The following NRG3 variants were observed in gnomAD, a reference collection of about 807,000 sequenced individuals.
NRG3 encodes the protein pro-neuregulin-3, membrane-bound isoform.
In NRG3, 31 loss-of-function variants were observed where a neutral mutation model predicts 66.9. That is an observed-to-expected ratio of 0.46 (90% CI 0.35 to 0.63). The LOEUF (loss-of-function observed/expected upper bound fraction) is 0.63. NRG3 is among the 20% of genes least tolerant of loss of function. NRG3 has a pLI of 0.00. For synonymous variants in NRG3, 393 were observed against 359.4 expected (o/e 1.09, Z -1.06); for missense variants, 910 against 878.9 (o/e 1.04, Z -0.45).
intron 2 of NRG3, among the ~76,000 whole-genome samples, chr10:82,470,111 C>G (rs879685276): frequency 6.6e-6 from 1 of 152,156 alleles, no homozygotes; most frequent in African/African-American, 2.4e-5. Context: ...TTCTGAGATG[C>G]AGAGCTCAAA....
At chr10:82,853,044 A>C (rs543924522) in intron 3 of NRG3, among the ~76,000 whole-genome samples, 1 of 152,316 alleles carries the variant, frequency 6.6e-6, no homozygotes, top group African/African-American at 2.4e-5. Flanking sequence ...GTGTTAGAAT[A>C]GGGTAAGGCA....
intron 2 of NRG3, among the ~76,000 whole-genome samples, chr10:82,608,811 G>A (rs999825636): frequency 6.6e-6 from 1 of 151,966 alleles, no homozygotes; most frequent in African/African-American, 2.4e-5. Flanking sequence ...TATTTCAAAT[G>A]GCTACTTCCC....
At chr10:82,828,181 C>T (rs1458146831) in intron 3 of NRG3, among the ~76,000 whole-genome samples, 1 of 151,962 alleles carries the variant, frequency 6.6e-6, no homozygotes, top group Non-Finnish European at 1.5e-5. Flanking sequence ...TTGTCCAGAG[C>T]AAGGATGGCG....
chr10:82,985,282 C>T lies in NRG3; in HGVS notation c.1768C>T (p.Pro590Ser), dbSNP rs779649558. Residue 590 changes from proline (P) to serine (S), a missense_variant, in exon 9 of 9, where the codon CCA becomes TCA. Coordinates refer to ENST00000372141, the MANE Select transcript of NRG3 (RefSeq NM_001010848.4). Reference protein sequence around the residue: ...VGLEETCLQMPGISEVKSIKW... With the variant: ...VGLEETCLQMSGISEVKSIKW... The stretch of plus-strand genomic sequence containing the variant: ...TTTAGAGGAAACCTGCCTGCAAATG[C>T]CAGGGATTTCTGAAGTCAAAAGCAT... 4 of 1,614,134 alleles carry T rather than the reference C, an allele frequency of 2.5e-6. No individual in the cohort carries two copies. The highest frequency in any genetic ancestry group is 1.6e-4 in the Middle Eastern group (1 of 6,062).
intron 2 of NRG3, among the ~76,000 whole-genome samples, chr10:82,380,583 G>T (rs1392435786): frequency 6.6e-6 from 1 of 152,156 alleles, no homozygotes. Flanking sequence ...TAAGATGGCA[G>T]ATTTCAATTA....
At chr10:81,998,333 A>G (rs536384473) in intron 1 of NRG3, among the ~76,000 whole-genome samples, 1 of 152,314 alleles carries the variant, frequency 6.6e-6, no homozygotes, top group East Asian at 1.9e-4. Flanking sequence ...ATGTTTCTCT[A>G]TATGACTCTA....
intron 1 of NRG3, among the ~76,000 whole-genome samples, chr10:82,220,013 C>A (rs2075861467): frequency 6.6e-6 from 1 of 151,644 alleles, no homozygotes; most frequent in African/African-American, 2.4e-5. Context: ...CAGATCACTG[C>A]AAGAAAATCA....
chr10:82,928,940 C>T (rs934794997), intron 4 of NRG3, among the ~76,000 whole-genome samples: 3 of 152,046 alleles, frequency 2.0e-5, no homozygotes, highest in African/African-American at 7.2e-5. Flanking sequence ...TGGATTTCAC[C>T]GAATTGCATG....
chr10:82,368,545 A>G (rs1313445545), intron 2 of NRG3, among the ~76,000 whole-genome samples: 1 of 137,590 alleles, frequency 7.3e-6, no homozygotes, highest in Non-Finnish European at 1.5e-5. Flanking sequence ...TACCACCTAC[A>G]GTTTAGGCCA....
chr10:82,494,539 CTT>C (rs1843441914), intron 2 of NRG3, among the ~76,000 whole-genome samples: 1 of 151,848 alleles, frequency 6.6e-6, no homozygotes, highest in Admixed American at 6.6e-5. Flanking sequence ...CATTAAAAAA[CTT>C]ATTTTTCCAT....
intron 4 of NRG3, among the ~76,000 whole-genome samples, chr10:82,914,801 G>A (rs1041663044): frequency 5.9e-5 from 9 of 151,528 alleles, no homozygotes; most frequent in Non-Finnish European, 1.3e-4. Flanking sequence ...AGCTAGAGAG[G>A]TTTCAAATTA....
chr10:82,700,374 T>G (rs1268022811), intron 2 of NRG3, among the ~76,000 whole-genome samples: 1 of 152,186 alleles, frequency 6.6e-6, no homozygotes, highest in Non-Finnish European at 1.5e-5. Context: ...AATGCATCAC[T>G]TTGATGAGCC....
intron 4 of NRG3, among the ~76,000 whole-genome samples, chr10:82,931,069 C>A (rs929092421): frequency 3.3e-5 from 5 of 152,094 alleles, no homozygotes; most frequent in Non-Finnish European, 7.4e-5. Context: ...AGGCCCAGGG[C>A]ATGAAGGACA....
chr10:81,947,495 G>T (rs752393221), intron 1 of NRG3, among the ~76,000 whole-genome samples: 2 of 152,104 alleles, frequency 1.3e-5, no homozygotes, highest in Non-Finnish European at 2.9e-5. Context: ...GTTGCAAATA[G>T]CAGGGCCTCA....
chr10:82,734,059 T>C (rs1385723448), intron 2 of NRG3, among the ~76,000 whole-genome samples: 1 of 152,200 alleles, frequency 6.6e-6, no homozygotes, highest in Non-Finnish European at 1.5e-5. Context: ...GCCTGGGTAA[T>C]ATGTTGCTCA....
chr10:82,682,069 G>A (rs569211817), intron 2 of NRG3, among the ~76,000 whole-genome samples: 2 of 152,236 alleles, frequency 1.3e-5, no homozygotes, highest in Non-Finnish European at 2.9e-5. Context: ...TGTCTGCCAA[G>A]AGATGAGAGC....
chr10:82,674,193 A>C, intron 2 of NRG3, among the ~76,000 whole-genome samples: 1 of 152,208 alleles, frequency 6.6e-6, no homozygotes, highest in Non-Finnish European at 1.5e-5. Context: ...ACAGATATGC[A>C]CACCAGGAAA....
chr10:82,392,258 A>T (rs2086426890), intron 2 of NRG3, among the ~76,000 whole-genome samples: 1 of 152,160 alleles, frequency 6.6e-6, no homozygotes, highest in South Asian at 2.1e-4. Flanking sequence ...TGATAAAGCG[A>T]GAAATAATAT....
intron 1 of NRG3, among the ~76,000 whole-genome samples, chr10:82,028,255 C>T (rs148554626): frequency 6.6e-6 from 1 of 152,138 alleles, no homozygotes; most frequent in Non-Finnish European, 1.5e-5. Context: ...TGCCTGCTTC[C>T]AGACTTCTGG....
Sources: allele counts gnomAD v4.1 joint callset (sites outside exome capture counted in the v4.1 genomes callset), GRCh38; gene constraint gnomAD v4.1.1; transcripts MANE v1.5; gene names NCBI Gene and HGNC (gene_info 2026-07-23, HGNC 2026-07-21).